The following FMN1 variants were observed in gnomAD, a reference collection of about 807,000 sequenced individuals.
FMN1 encodes the protein formin 1.
In FMN1, 110 loss-of-function variants were observed where a neutral mutation model predicts 132.4. The ratio of observed to expected loss-of-function variants is 0.83; its 90% CI spans 0.71 to 0.97. The LOEUF (loss-of-function observed/expected upper bound fraction) is 0.97. Among genes scored for constraint, FMN1 ranks in the 50% least tolerant of loss-of-function variants. FMN1 has a pLI of 0.00. For synonymous variants in FMN1, 722 were observed against 651.7 expected (o/e 1.11, Z -1.64); for missense variants, 1,792 against 1,705.3 (o/e 1.05, Z -0.90).
At position 32,774,351 on chromosome 15, in the gene FMN1, C is replaced by G; in HGVS notation, c.4219G>C (p.Glu1407Gln). 2 of 1,590,974 alleles carry G rather than the reference C, an allele frequency of 1.3e-6. No homozygotes were observed. The highest frequency in any genetic ancestry group is 1.7e-6 in the Non-Finnish European group (2 of 1,168,672). Residue 1407 changes from glutamate to glutamine, a missense_variant, in exon 21 of 21, where the codon GAA (glutamate) becomes CAA (glutamine). Around this residue, in one of 3 missense-constraint regions of FMN1, gnomAD observed 1,150 missense variants for 1,043.1 expected, o/e 1.10. Coordinates refer to ENST00000616417, the MANE Select transcript of FMN1 (RefSeq NM_001277313.2). ...KKINPTASLK[E>Q]RLRQKEASVT... ...CTGGCTTCCTTCTGACGCAGTCTTT[C>G]TTTCTGTTAAGGAAAAAAAAATGAA...
intron 6 of FMN1, chr15:33,012,487 T>C: frequency 2.4e-6 from 3 of 1,265,698 alleles, no homozygotes; most frequent in Non-Finnish European, 2.3e-6. Context: ...AAGAGATTAT[T>C]TTCAACAGTA....
chr15:32,897,813 A>G (rs766024951), intron 15 of FMN1, among the ~76,000 whole-genome samples: 3 of 152,176 alleles, frequency 2.0e-5, no homozygotes, highest in Non-Finnish European at 2.9e-5. Flanking sequence ...AACCTGGGTA[A>G]GCTGGGGTCG....
intron 19 of FMN1, among the ~76,000 whole-genome samples, chr15:32,786,545 T>G (rs370574094): frequency 6.6e-6 from 1 of 152,142 alleles, no homozygotes; most frequent in East Asian, 1.9e-4. Context: ...TTCACTCCTT[T>G]GCCATGATCT....
intron 3 of FMN1, among the ~76,000 whole-genome samples, chr15:33,174,238 T>C (rs1475018033): frequency 6.6e-6 from 1 of 152,192 alleles, no homozygotes; most frequent in Non-Finnish European, 1.5e-5. Flanking sequence ...AATGGGTTTC[T>C]TTGGAAGGTT....
In FMN1 at chr15:33,154,763, T is replaced by C; in HGVS notation, c.152A>G (p.Tyr51Cys). The C allele has an allele frequency of 6.5e-7, 1 of 1,536,142 alleles. No homozygotes were observed. Among genetic ancestry groups the C allele is most frequent in the Admixed American group, 2.0e-5 (1 of 51,004 alleles). The change falls in exon 4 of 21, where the codon TAC (tyrosine) becomes TGC (cysteine). Residue 51 changes from tyrosine to cysteine, a missense_variant. Transcript: ENST00000616417. ...GATGTCTGACTCCTCCCTGACTTGG[T>C]AGCAGTTATGAAAACCTTTATTGGA... is the stretch of plus-strand genomic sequence containing the variant. ...DRSNKGFHNC[Y>C]QVREESDIIS...
intron 17 of FMN1, among the ~76,000 whole-genome samples, chr15:32,821,472 G>A (rs1357824650): frequency 2.4e-5 from 2 of 83,602 alleles, no homozygotes; most frequent in African/African-American, 9.4e-5. Flanking sequence ...TTTTTTTTGA[G>A]ATGGAGTCTT....
chr15:32,837,849 A>T (rs1412402537), intron 17 of FMN1, among the ~76,000 whole-genome samples: 9 of 152,194 alleles, frequency 5.9e-5, no homozygotes, highest in Non-Finnish European at 1.2e-4. Flanking sequence ...AGAGAATGGG[A>T]TGTGCTCTCT....
At chr15:32,881,028 A>C (rs1318958198) in intron 16 of FMN1, among the ~76,000 whole-genome samples, 1 of 152,166 alleles carries the variant, frequency 6.6e-6, no homozygotes, top group Non-Finnish European at 1.5e-5. Context: ...TTGAAACTTA[A>C]CTGCCATTCA....
chr15:33,126,980 C>T (rs1963144916), intron 4 of FMN1, among the ~76,000 whole-genome samples: 1 of 152,208 alleles, frequency 6.6e-6, no homozygotes, highest in African/African-American at 2.4e-5. Context: ...TGTGGAGAGG[C>T]TTGCAAGATG....
At chr15:32,928,324 G>T (rs1164794659) in intron 9 of FMN1, among the ~76,000 whole-genome samples, 2 of 149,146 alleles carry the variant, frequency 1.3e-5, no homozygotes, top group East Asian at 3.9e-4. Context: ...GAAAGGAAAA[G>T]CAAAAAAAAA....
intron 4 of FMN1, among the ~76,000 whole-genome samples, chr15:33,128,281 T>G (rs1239148884): frequency 6.6e-6 from 1 of 152,042 alleles, no homozygotes. Context: ...AGCGCAACAG[T>G]TGGGAATTTG....
At chr15:32,812,854 G>A (rs970598529) in intron 17 of FMN1, among the ~76,000 whole-genome samples, 2 of 152,176 alleles carry the variant, frequency 1.3e-5, no homozygotes, top group African/African-American at 2.4e-5. Context: ...CAGGTGTCAT[G>A]TATTCATTTA....
intron 6 of FMN1, among the ~76,000 whole-genome samples, chr15:33,046,928 G>T (rs1417305902): frequency 6.6e-6 from 1 of 152,152 alleles, no homozygotes; most frequent in Non-Finnish European, 1.5e-5. Context: ...GATAAAACAT[G>T]GGCTTAGAAC....
chr15:32,800,602 A>T (rs2057445396), intron 18 of FMN1, among the ~76,000 whole-genome samples: 1 of 152,252 alleles, frequency 6.6e-6, no homozygotes, highest in Admixed American at 6.5e-5. Flanking sequence ...CTACAAAGTC[A>T]CAGGACTTTA....
At chr15:32,996,207 G>A (rs571963513) in intron 7 of FMN1, among the ~76,000 whole-genome samples, 3 of 152,258 alleles carry the variant, frequency 2.0e-5, no homozygotes, top group African/African-American at 7.2e-5. Flanking sequence ...CCACTTTAAA[G>A]GTGAGAAGCT....
At chr15:32,892,973 A>G (rs1204934800) in intron 15 of FMN1, among the ~76,000 whole-genome samples, 1 of 152,088 alleles carries the variant, frequency 6.6e-6, no homozygotes, top group Non-Finnish European at 1.5e-5. Flanking sequence ...AATAAGCTTT[A>G]TTTTTGGTTG....
At chr15:32,989,111 C>A (rs531936787) in intron 7 of FMN1, among the ~76,000 whole-genome samples, 123 of 151,064 alleles carry the variant, frequency 8.1e-4, no homozygotes, top group African/African-American at 2.9e-3. Flanking sequence ...CCTGTGAAAT[C>A]ACTTTGGTTT....
In FMN1 at chr15:33,143,850, C is replaced by T. The variant is rs937362732; in HGVS notation, c.1867+9198G>A. On this transcript the variant is annotated intron_variant, in intron 4 of 20. Transcript: ENST00000616417. The stretch of plus-strand genomic sequence containing the variant: ...ATCCAAAGTAAAAGATAAGGTCCTA[C>T]ATTCAAAAGCTTGATAAGAGCTAAA... Among the ~76,000 whole-genome samples the T allele has an allele frequency of 4.6e-5, 7 of 152,208 alleles. No homozygotes were observed. In the South Asian group the frequency reaches 1.4e-3, roughly 32 times the overall value.
chr15:32,860,169 GAAA>G (rs1430476318), intron 16 of FMN1, among the ~76,000 whole-genome samples: 2 of 132,906 alleles, frequency 1.5e-5, no homozygotes, highest in Non-Finnish European at 3.2e-5. Flanking sequence ...GAAGGAAAAG[GAAA>G]AAAGAAAAGG....
Sources: allele counts gnomAD v4.1 joint callset (sites outside exome capture counted in the v4.1 genomes callset), GRCh38; gene constraint gnomAD v4.1.1; regional missense constraint gnomAD v4.1.1; transcripts MANE v1.5; gene names NCBI Gene and HGNC (gene_info 2026-07-23, HGNC 2026-07-21).